The following NRXN1 variants were observed in gnomAD, a reference collection of about 807,000 sequenced individuals.
NRXN1 encodes neurexin 1.
A neutral mutation model predicts 150.9 loss-of-function variants in NRXN1; 39 were observed. The observed-to-expected ratio is 0.26, with a 90% CI of 0.20 to 0.34. NRXN1 has a LOEUF of 0.34. Among genes scored for constraint, NRXN1 ranks in the 10% least tolerant of loss-of-function variants. NRXN1 has a pLI of 1.00. For missense variants in NRXN1, 1,815 were observed against 1,949.9 expected, an observed-to-expected ratio of 0.93 and a Z score of 1.30; for synonymous variants, 924 against 757.0, an observed-to-expected ratio of 1.22 and a Z score of -3.62.
At chr2:50,145,651 T>C (rs760985545) in intron 18 of NRXN1, among the ~76,000 whole-genome samples, 5 of 151,680 alleles carry the variant, frequency 3.3e-5, no homozygotes, top group African/African-American at 7.2e-5. Flanking sequence ...TGTGTCACCA[T>C]TGCAACCAAA....
intron 17 of NRXN1, among the ~76,000 whole-genome samples, chr2:50,340,025 T>G (rs1280296775): frequency 6.6e-6 from 1 of 152,222 alleles, no homozygotes; most frequent in South Asian, 2.1e-4. Context: ...ACCCTGCCTT[T>G]TATATTGTCA....
chr2:50,254,888 G>T (rs1042062344), intron 17 of NRXN1, among the ~76,000 whole-genome samples: 1 of 151,878 alleles, frequency 6.6e-6, no homozygotes, highest in Admixed American at 6.6e-5. Flanking sequence ...TTCACTGCAG[G>T]CTCGACCTCC....
intron 19 of NRXN1, among the ~76,000 whole-genome samples, chr2:50,069,906 A>G (rs1695969700): frequency 6.9e-6 from 1 of 145,182 alleles, no homozygotes; most frequent in Non-Finnish European, 1.5e-5. Context: ...GCTGGAGTGC[A>G]GTGGTGCGAT....
chr2:50,349,731 C>T (rs1414230183), intron 17 of NRXN1, among the ~76,000 whole-genome samples: 1 of 152,198 alleles, frequency 6.6e-6, no homozygotes, highest in Non-Finnish European at 1.5e-5. Flanking sequence ...ATGTCAACTG[C>T]TCCCTGACAT....
At position 50,052,386 on chromosome 2, in the gene NRXN1, C is replaced by T. The variant is rs189954495; in HGVS notation, c.4128+885G>A. Among the ~76,000 whole-genome samples the T allele has an allele frequency of 4.7e-3, 709 of 152,094 alleles. 7 individuals are homozygous for T. Among genetic ancestry groups the T allele is most frequent in the Admixed American group, 0.022 (338 of 15,258 alleles). On this transcript the variant is annotated intron_variant, in intron 21 of 22. Transcript: ENST00000401669. ...TAATACACAATTCTGAAAAAATTAA[C>T]AACTGGATACATACAAAGGCTGCAA...
At chr2:50,394,873 C>T (rs1283900222) in intron 17 of NRXN1, among the ~76,000 whole-genome samples, 6 of 151,940 alleles carry the variant, frequency 3.9e-5, no homozygotes, top group Admixed American at 3.3e-4. Flanking sequence ...TCCAGTTACC[C>T]AGGTCTTCTT....
chr2:50,163,710 C>T (rs1049515748), intron 18 of NRXN1, among the ~76,000 whole-genome samples: 4 of 152,116 alleles, frequency 2.6e-5, no homozygotes, highest in African/African-American at 9.7e-5. Context: ...GTTTAAAAGT[C>T]CAGTAAGCAT....
chr2:50,745,386 C>A (rs1699902020), intron 5 of NRXN1, among the ~76,000 whole-genome samples: 1 of 145,786 alleles, frequency 6.9e-6, no homozygotes, highest in African/African-American at 2.5e-5. Context: ...CCCTCCCTTC[C>A]CTTCCTCTCC....
At chr2:50,064,703 G>T (rs539886837) in intron 19 of NRXN1, among the ~76,000 whole-genome samples, 1 of 152,224 alleles carries the variant, frequency 6.6e-6, no homozygotes, top group Admixed American at 6.5e-5. Context: ...TTACTAAACT[G>T]AAATGTTAAC....
At chr2:50,654,824 T>C (rs911351987) in intron 5 of NRXN1, among the ~76,000 whole-genome samples, 1 of 152,082 alleles carries the variant, frequency 6.6e-6, no homozygotes. Flanking sequence ...TGCATAAATG[T>C]CTTCTTTTGA....
At chr2:50,033,198 G>A (rs2152569405) in intron 21 of NRXN1, among the ~76,000 whole-genome samples, 2 of 152,018 alleles carry the variant, frequency 1.3e-5, no homozygotes, top group Middle Eastern at 6.8e-3. Flanking sequence ...AACAAAGCTG[G>A]AGGCATCATG....
chr2:50,587,447 T>C (rs72884068), intron 8 of NRXN1, among the ~76,000 whole-genome samples: 3,546 of 129,262 alleles, frequency 0.027, 122 homozygotes, highest in African/African-American at 0.088. Context: ...TTCAGGTCAC[T>C]GCACTATAGC....
At chr2:50,441,413 A>T (rs917450411) in intron 17 of NRXN1, among the ~76,000 whole-genome samples, 3 of 152,148 alleles carry the variant, frequency 2.0e-5, no homozygotes, top group Non-Finnish European at 2.9e-5. Context: ...CTTAAAATTT[A>T]AAAAAATTAT....
intron 17 of NRXN1, among the ~76,000 whole-genome samples, chr2:50,439,571 C>T (rs2085747494): frequency 6.6e-6 from 1 of 152,066 alleles, no homozygotes; most frequent in African/African-American, 2.4e-5. Context: ...CCCTGGGAGG[C>T]CGAGGCGGGT....
intron 18 of NRXN1, among the ~76,000 whole-genome samples, chr2:50,141,490 C>G (rs12468006): frequency 0.92 from 140,030 of 152,088 alleles, 64,632 homozygotes; most frequent in East Asian, 1. Context: ...CTTCTGTATA[C>G]CAAAGGAAAA....
intron 5 of NRXN1, among the ~76,000 whole-genome samples, chr2:50,627,904 T>C (rs1017070567): frequency 9.2e-5 from 14 of 151,684 alleles, no homozygotes; most frequent in African/African-American, 3.4e-4. Flanking sequence ...AAGTGATATA[T>C]AGCATTGTGA....
chr2:50,563,440 A>G (rs1038499135), intron 8 of NRXN1, among the ~76,000 whole-genome samples: 4 of 152,222 alleles, frequency 2.6e-5, no homozygotes, highest in Non-Finnish European at 5.9e-5. Flanking sequence ...CGCTAATTCT[A>G]TTCCAATAAA....
At chr2:50,324,463 T>C (rs1358039569) in intron 17 of NRXN1, among the ~76,000 whole-genome samples, 2 of 152,222 alleles carry the variant, frequency 1.3e-5, no homozygotes, top group Non-Finnish European at 2.9e-5. Flanking sequence ...ATCAGAGCCC[T>C]GGGTTGGGGG....
At chr2:50,610,855 C>T (rs556992489) in intron 8 of NRXN1, among the ~76,000 whole-genome samples, 11 of 148,208 alleles carry the variant, frequency 7.4e-5, no homozygotes, top group South Asian at 2.2e-4. Context: ...TGTAATTGCA[C>T]GATTTCGGCT....
Sources: allele counts gnomAD v4.1 joint callset (sites outside exome capture counted in the v4.1 genomes callset), GRCh38; gene constraint gnomAD v4.1.1; transcripts MANE v1.5; gene names NCBI Gene and HGNC (gene_info 2026-07-23, HGNC 2026-07-21).